ANKRD27: variants seen among roughly 807,000 people sequenced by gnomAD.
The protein encoded by ANKRD27 is ankyrin repeat domain 27.
In ANKRD27, 112 loss-of-function variants were observed where a neutral mutation model predicts 129.7. That is an observed-to-expected ratio of 0.86 (90% CI 0.74 to 1.01). The LOEUF (loss-of-function observed/expected upper bound fraction) is 1.01. ANKRD27 is among the 50% of genes least tolerant of loss of function. ANKRD27 has a pLI of 0.00. For synonymous variants in ANKRD27, 516 were observed against 511.2 expected (o/e 1.01, Z -0.13); for missense variants, 1,258 against 1,300.5 (o/e 0.97, Z 0.50).
chr19:32,655,444 G>A (rs753172914), intron 2 of ANKRD27: 1 of 152,358 alleles, frequency 6.6e-6, no homozygotes, highest in Non-Finnish European at 1.5e-5. Flanking sequence ...GGGGTTCTGT[G>A]GGGCAACCCT....
rs1370636684 is a variant in ANKRD27 at position 32,643,501 on chromosome 19, G to A, written c.586-17C>T. ...GAGCATTTTCTAGAGGGCAAGAAAA[G>A]CACAGTGAAAGGGCTTGGATTTGCA... On this transcript the variant is annotated splice_polypyrimidine_tract_variant and intron_variant, in intron 6 of 28. Coordinates refer to ENST00000306065, the MANE Select transcript of ANKRD27 (RefSeq NM_032139.3). 19 of 1,613,852 alleles carry A rather than the reference G, an allele frequency of 1.2e-5. No individual in the cohort carries two copies. Among genetic ancestry groups the A allele is most frequent in the Non-Finnish European group, 1.5e-5 (18 of 1,179,994 alleles).
chr19:32,626,179 T>C (rs1972087890), intron 16 of ANKRD27, among the ~76,000 whole-genome samples: 1 of 151,994 alleles, frequency 6.6e-6, no homozygotes, highest in African/African-American at 2.4e-5. Context: ...GATCAGGAAG[T>C]TTTTCTTTTT....
intron 1 of ANKRD27, among the ~76,000 whole-genome samples, chr19:32,664,478 G>T (rs1156504735): frequency 1.3e-5 from 2 of 151,778 alleles, no homozygotes; most frequent in African/African-American, 4.8e-5. Flanking sequence ...AATTAGCCAG[G>T]TATGATGGCA....
At chr19:32,598,436 C>T in intron 28 of ANKRD27, 58 bp from the exon 29 acceptor site, 1 of 1,538,990 alleles carries the variant, frequency 6.5e-7, no homozygotes, top group Non-Finnish European at 9.0e-7. Flanking sequence ...AAGCCACAAC[C>T]ATGACAGTGA....
chr19:32,630,067 T>C (rs1396796860), intron 13 of ANKRD27, among the ~76,000 whole-genome samples: 3 of 151,984 alleles, frequency 2.0e-5, no homozygotes, highest in Non-Finnish European at 4.4e-5. Context: ...CATGCCCAGC[T>C]TCATCTTGTT....
At chr19:32,646,189 C>T (rs1967299517) in intron 4 of ANKRD27, among the ~76,000 whole-genome samples, 1 of 152,184 alleles carries the variant, frequency 6.6e-6, no homozygotes, top group South Asian at 2.1e-4. Flanking sequence ...GCCTCAGCCT[C>T]CCAAAGTGCT....
chr19:32,670,618 G>C (rs1268992804), intron 1 of ANKRD27, among the ~76,000 whole-genome samples: 4 of 152,178 alleles, frequency 2.6e-5, no homozygotes, highest in African/African-American at 7.2e-5. Flanking sequence ...AGGTTGCAGT[G>C]AGCCAAGATC....
Position 32,628,761 on chromosome 19 carries a change from G to A in ANKRD27, c.1298C>T (p.Pro433Leu). 1.2e-6 allele frequency: 2 copies of A among 1,614,140 alleles called. No individual in the cohort carries two copies. The highest frequency in any genetic ancestry group is 1.7e-6 in the Non-Finnish European group (2 of 1,180,020). Residue 433 changes from proline (P) to leucine (L), a missense_variant, in exon 14 of 29, where the codon CCT becomes CTT. Physicochemically the swap from Pro to Leu is moderately conservative, Grantham distance 98 (BLOSUM62 -3). Transcript: ENST00000306065. ...DKDTVQKMCH[P>L]LCFCDDCEKL... is the part of the protein sequence containing the mutation. ...CTCACAGTCATCGCAGAAGCAGAGA[G>A]GGTGACACATCTTTTGGACGGTATC...
At chr19:32,599,332 C>CT (rs1300306617) in intron 28 of ANKRD27, among the ~76,000 whole-genome samples, 2 of 83,170 alleles carry the variant, frequency 2.4e-5, no homozygotes, top group Non-Finnish European at 5.5e-5. Flanking sequence ...AAAGAATTGT[C>CT]TGAGCAACTG....
chr19:32,630,109 C>G (rs1966967028), intron 13 of ANKRD27, among the ~76,000 whole-genome samples: 1 of 152,002 alleles, frequency 6.6e-6, no homozygotes, highest in Non-Finnish European at 1.5e-5. Flanking sequence ...TTTATACTTG[C>G]TATGGACTAG....
chr19:32,609,903 T>C (rs2145264156), intron 22 of ANKRD27, among the ~76,000 whole-genome samples: 1 of 152,026 alleles, frequency 6.6e-6, no homozygotes, highest in African/African-American at 2.4e-5. Context: ...AGACCGGGTG[T>C]GGTGGCTCAC....
At chr19:32,660,274 G>C (rs568158236) in intron 1 of ANKRD27, among the ~76,000 whole-genome samples, 1 of 152,358 alleles carries the variant, frequency 6.6e-6, no homozygotes, top group East Asian at 1.9e-4. Context: ...GCCGGGCACA[G>C]TGGCTCATGC....
At chr19:32,628,701 C>G (rs372584356) in intron 14 of ANKRD27, 21 bp downstream of exon 14, 3 of 1,613,120 alleles carry the variant, frequency 1.9e-6, no homozygotes, top group Non-Finnish European at 2.5e-6. Context: ...GCACTCTGAG[C>G]CTCCACCAGC....
intron 12 of ANKRD27, among the ~76,000 whole-genome samples, chr19:32,632,253 C>T (rs370475264): frequency 2.2e-3 from 341 of 152,046 alleles, no homozygotes; most frequent in African/African-American, 8.0e-3. Context: ...CACACCACTG[C>T]ACTCTAGCCT....
intron 1 of ANKRD27, among the ~76,000 whole-genome samples, chr19:32,662,634 C>A (rs1486205812): frequency 6.6e-6 from 1 of 152,040 alleles, no homozygotes; most frequent in African/African-American, 2.4e-5. Context: ...CCCAACTACT[C>A]GGGAGGCTGA....
intron 2 of ANKRD27, chr19:32,655,115 C>T (rs868512260): frequency 6.6e-6 from 1 of 152,310 alleles, no homozygotes; most frequent in African/African-American, 2.4e-5. Flanking sequence ...CTATTTCCAG[C>T]ATGGCAGTGT....
intron 3 of ANKRD27, 31 bp from the exon 4 acceptor site, chr19:32,646,646 C>A (rs761145192): frequency 1.9e-6 from 3 of 1,602,456 alleles, no homozygotes; most frequent in Non-Finnish European, 1.7e-6. Context: ...ACTGCACCAG[C>A]AGCCGGGGCA....
intron 3 of ANKRD27, among the ~76,000 whole-genome samples, chr19:32,647,766 C>A (rs551208204): frequency 3.3e-5 from 5 of 152,210 alleles, no homozygotes; most frequent in Admixed American, 2.6e-4. Context: ...TCGGGCTTTG[C>A]GCAGCTGGTC....
intron 24 of ANKRD27, 73 bp from the exon 25 acceptor site, chr19:32,604,497 G>C: frequency 1.4e-6 from 2 of 1,417,000 alleles, no homozygotes; most frequent in Admixed American, 4.8e-5. Context: ...TGGGTATACA[G>C]GTATTCGCTA....
Sources: gnomAD v4.1 joint callset for allele counts (sites outside exome capture counted in the v4.1 genomes callset) on GRCh38, gnomAD v4.1.1 for gene constraint, MANE v1.5 for transcripts, NCBI Gene and HGNC (gene_info 2026-07-23, HGNC 2026-07-21) for gene names.